Variants in PHACTR3 observed in about 807,000 individuals in gnomAD.
PHACTR3 encodes the protein protein phosphatase 1, regulatory subunit 123.
PHACTR3 carries 16 observed loss-of-function variants against 66.8 expected under a neutral mutation model. That is an observed-to-expected ratio of 0.24 (90% CI 0.16 to 0.36). The LOEUF is 0.36. Among genes scored for constraint, PHACTR3 ranks in the 10% least tolerant of loss-of-function variants. The probability of loss-of-function intolerance (pLI) is 1.00; values close to 1 mark genes in which losing one functional copy is unlikely to be tolerated. For synonymous variants in PHACTR3, 323 were observed against 292.1 expected (o/e 1.11, Z -1.08); for missense variants, 647 against 719.9 (o/e 0.90, Z 1.16).
At chr20:59,764,414 CAG>C (rs1373693747) in intron 4 of PHACTR3, among the ~76,000 whole-genome samples, 1 of 152,142 alleles carries the variant, frequency 6.6e-6, no homozygotes, top group Non-Finnish European at 1.5e-5. Context: ...GGAGATGAGT[CAG>C]AGGAGTGCTG....
At chr20:59,739,350 G>A (rs145348397) in intron 1 of PHACTR3, among the ~76,000 whole-genome samples, 2 of 152,186 alleles carry the variant, frequency 1.3e-5, no homozygotes, top group Non-Finnish European at 2.9e-5. Context: ...GTATTAGTCC[G>A]TTTTCATACT....
In PHACTR3 at chr20:59,746,239, C is replaced by T. The variant is rs376145404; in HGVS notation, c.281-1519C>T. Among the ~76,000 whole-genome samples, 12 of 152,296 alleles carry T rather than the reference C, an allele frequency of 7.9e-5. No individual in the cohort carries two copies. The East Asian group carries it at 1.7e-3, about 22-fold the overall frequency. On this transcript the variant is annotated intron_variant, in intron 2 of 12. Transcript: ENST00000371015. ...GGTAAATATCCTCAGGGAAGCCACC[C>T]GGGAGGTCAAGGATGGGATGGGTTT...
intron 1 of PHACTR3, among the ~76,000 whole-genome samples, chr20:59,646,119 C>T (rs2035274546): frequency 1.3e-5 from 2 of 152,314 alleles, no homozygotes; most frequent in South Asian, 4.1e-4. Context: ...CCAGCCAGTC[C>T]CTGGGGATGT....
chr20:59,737,172 C>A (rs1049304394), intron 1 of PHACTR3, among the ~76,000 whole-genome samples: 14 of 152,168 alleles, frequency 9.2e-5, no homozygotes, highest in Non-Finnish European at 2.1e-4. Flanking sequence ...CCTTTCCCAT[C>A]ATAGCCCCTG....
rs913540026 is a variant in PHACTR3, at chr20:59,653,464, G to A, written c.118+48332G>A. Among the ~76,000 whole-genome samples, 10 of 152,266 alleles carry A rather than the reference G, an allele frequency of 6.6e-5. 1 individual carries two copies. In the South Asian group the frequency reaches 1.7e-3, roughly 25 times the overall value. ...TCCCAAAAGTGCTAGGATTACAGGCGTGAGCCACTGCACTCGGCTGTGAGA... is the reference window on the plus strand; with the variant it reads ...TCCCAAAAGTGCTAGGATTACAGGCATGAGCCACTGCACTCGGCTGTGAGA... On this transcript the variant is annotated intron_variant, in intron 1 of 12. Transcript: ENST00000371015.
chr20:59,668,187 C>G (rs1030364714), intron 1 of PHACTR3, among the ~76,000 whole-genome samples: 2 of 147,904 alleles, frequency 1.4e-5, no homozygotes, highest in African/African-American at 5.0e-5. Flanking sequence ...GAGGTGGGCA[C>G]GTACGCCTGT....
At chr20:59,788,973 T>G (rs2041009437) in intron 7 of PHACTR3, among the ~76,000 whole-genome samples, 1 of 152,234 alleles carries the variant, frequency 6.6e-6, no homozygotes, top group Non-Finnish European at 1.5e-5. Flanking sequence ...AGTGTCACTG[T>G]TGTTTCAGAA....
At chr20:59,789,713 G>T (rs1011690117) in intron 7 of PHACTR3, among the ~76,000 whole-genome samples, 1 of 152,244 alleles carries the variant, frequency 6.6e-6, no homozygotes, top group Non-Finnish European at 1.5e-5. Context: ...GTCACTGCTT[G>T]TGCAAAACAG....
At chr20:59,723,062 C>CTTTCTTTCT (rs1187650062) in intron 1 of PHACTR3, among the ~76,000 whole-genome samples, 2 of 45,150 alleles carry the variant, frequency 4.4e-5, no homozygotes, top group African/African-American at 1.7e-4. Flanking sequence ...CTTTCTTTCT[C>CTTTCTTTCT]TTTCTTTCTT....
Position 59,774,381 on chromosome 20 carries a change from C to T in PHACTR3, c.1065C>T (p.Ala355=), listed in dbSNP as rs371621892. The T allele has an allele frequency of 3.5e-5, 57 of 1,614,096 alleles. No individual in the cohort carries two copies. The highest frequency in any genetic ancestry group is 3.3e-4 in the Middle Eastern group (2 of 6,062). ...GGGCATTGGAGAACAAGCGAACTGCCGCTAAGGAATCTGAGGAGAACAAGG... is the reference window on the plus strand; with the variant it reads ...GGGCATTGGAGAACAAGCGAACTGCTGCTAAGGAATCTGAGGAGAACAAGG... The part of the protein sequence containing the change: ...FDGALENKRT[A]AKESEENKEN... Residue 355 remains alanine (A), a synonymous_variant, in exon 7 of 13, where the codon GCC becomes GCT. Transcript: ENST00000371015.
intron 8 of PHACTR3, among the ~76,000 whole-genome samples, chr20:59,810,635 G>C (rs1247173351): frequency 1.3e-5 from 2 of 152,158 alleles, no homozygotes; most frequent in Non-Finnish European, 2.9e-5. Flanking sequence ...TTAATTTCCA[G>C]AACCTTCATA....
chr20:59,782,119 G>A (rs868743080), intron 7 of PHACTR3, among the ~76,000 whole-genome samples: 1 of 152,164 alleles, frequency 6.6e-6, no homozygotes, highest in Non-Finnish European at 1.5e-5. Flanking sequence ...ACTCAACAAC[G>A]CAAAAGAGGG....
At position 59,743,162 on chromosome 20, in the gene PHACTR3, A is replaced by G; in HGVS notation, c.174A>G (p.Arg58=). 1 of 1,614,084 alleles carries G rather than the reference A, an allele frequency of 6.2e-7. No homozygotes were observed. The part of the protein sequence containing the change: ...ARPEYLVSGI[R]TPPVRRNSKL... The stretch of plus-strand genomic sequence containing the variant: ...CTGAATATCTGGTCTCAGGGATTCG[A>G]ACTCCCCCTGTGAGGAGGAACAGCA... Residue 58 remains arginine, a synonymous_variant, in exon 2 of 13, where the codon CGA becomes CGG. Coordinates refer to ENST00000371015, the MANE Select transcript of PHACTR3 (RefSeq NM_080672.5).
chr20:59,677,533 C>T (rs2036491522), intron 1 of PHACTR3, among the ~76,000 whole-genome samples: 1 of 152,190 alleles, frequency 6.6e-6, no homozygotes, highest in Non-Finnish European at 1.5e-5. Flanking sequence ...TGGTTAAGTT[C>T]TTGGAAGCAA....
At chr20:59,846,368 T>A (rs925421411) in intron 12 of PHACTR3, among the ~76,000 whole-genome samples, 1 of 152,030 alleles carries the variant, frequency 6.6e-6, no homozygotes, top group African/African-American at 2.4e-5. Flanking sequence ...TAGGAAAAAA[T>A]TATGCAAAGA....
intron 1 of PHACTR3, among the ~76,000 whole-genome samples, chr20:59,687,184 G>T (rs2036929974): frequency 6.6e-6 from 1 of 150,542 alleles, no homozygotes; most frequent in African/African-American, 2.4e-5. Context: ...GGTGATAGTG[G>T]TGATGACGAT....
At chr20:59,700,345 C>A (rs1468108519) in intron 1 of PHACTR3, among the ~76,000 whole-genome samples, 1 of 152,156 alleles carries the variant, frequency 6.6e-6, no homozygotes, top group Non-Finnish European at 1.5e-5. Flanking sequence ...ATCTTTTAAC[C>A]ATGTATGCAT....
At chr20:59,584,517 G>GAGTGTGTGCATGCACA (rs1347365197) in intron 1 of PHACTR3, among the ~76,000 whole-genome samples, 28 of 152,110 alleles carry the variant, frequency 1.8e-4, no homozygotes, top group Non-Finnish European at 3.7e-4. Context: ...TTACATGCAT[G>GAGTGTGTGCATGCACA]AGTGTGTGCA....
At chr20:59,670,640 C>T (rs1601056027) in intron 1 of PHACTR3, among the ~76,000 whole-genome samples, 2 of 150,252 alleles carry the variant, frequency 1.3e-5, no homozygotes, top group East Asian at 4.1e-4. Context: ...CTGTTTCCAT[C>T]CTGCAAGGTC....
Sources: allele counts gnomAD v4.1 joint callset (sites outside exome capture counted in the v4.1 genomes callset), GRCh38; gene constraint gnomAD v4.1.1; transcripts MANE v1.5; gene names NCBI Gene and HGNC (gene_info 2026-07-23, HGNC 2026-07-21).